PLEKHM3: variants seen among roughly 807,000 people sequenced by gnomAD.
PLEKHM3 encodes the protein pleckstrin homology domain-containing family M member 3.
Under a neutral mutation model 81.8 loss-of-function variants are expected in PLEKHM3, and 45 were observed. That is an observed-to-expected ratio of 0.55 (90% CI 0.43 to 0.71). The LOEUF (loss-of-function observed/expected upper bound fraction) is 0.71. Among genes scored for constraint, PLEKHM3 ranks in the 30% least tolerant of loss-of-function variants. PLEKHM3 has a pLI of 0.00. For missense variants in PLEKHM3, 788 were observed against 924.3 expected, an observed-to-expected ratio of 0.85 and a Z score of 1.91; for synonymous variants, 352 against 356.4, an observed-to-expected ratio of 0.99 and a Z score of 0.14.
rs530095858 is a variant in PLEKHM3 at position 207,853,502 on chromosome 2, G to A, written c.2108+7603C>T. ...TAATCCCAGCACTTTGGGAGGCTGA[G>A]GTGGGTGGATCACCAAAGGTTAGGA... On this transcript the variant is annotated intron_variant, in intron 7 of 7. Transcript: ENST00000427836. Among the ~76,000 whole-genome samples the A allele has an allele frequency of 1.3e-4, 20 of 152,054 alleles. No homozygotes were observed. In the South Asian group the frequency reaches 4.2e-3, roughly 32 times the overall value.
intron 6 of PLEKHM3, among the ~76,000 whole-genome samples, chr2:207,880,808 A>AAAACC (rs2092587300): frequency 6.9e-6 from 1 of 143,964 alleles, no homozygotes. Flanking sequence ...CAAACAAACA[A>AAAACC]AAAAAAACAA....
chr2:207,955,818 C>G (rs1017866691), intron 3 of PLEKHM3, among the ~76,000 whole-genome samples: 2 of 152,180 alleles, frequency 1.3e-5, no homozygotes, highest in Non-Finnish European at 2.9e-5. Context: ...TAATTTAGCT[C>G]ATCAATGAAT....
At chr2:207,970,987 C>T (rs1691100853) in intron 3 of PLEKHM3, among the ~76,000 whole-genome samples, 2 of 152,214 alleles carry the variant, frequency 1.3e-5, no homozygotes, top group African/African-American at 4.8e-5. Context: ...TGTAGGGGAT[C>T]CCCCAGGCTC....
At chr2:207,945,340 C>G (rs1277700453) in intron 4 of PLEKHM3, among the ~76,000 whole-genome samples, 1 of 152,210 alleles carries the variant, frequency 6.6e-6, no homozygotes, top group Non-Finnish European at 1.5e-5. Context: ...AGCCACTAAG[C>G]CTGCTATTTA....
intron 7 of PLEKHM3, among the ~76,000 whole-genome samples, chr2:207,856,225 C>T (rs919187265): frequency 6.6e-6 from 1 of 151,798 alleles, no homozygotes; most frequent in African/African-American, 2.4e-5. Context: ...ATATTCCACC[C>T]CACCACCACC....
rs868441215 is a variant in PLEKHM3 at position 207,853,683 on chromosome 2, G to A, written c.2108+7422C>T. Among the ~76,000 whole-genome samples, 6 of 152,036 alleles carry A rather than the reference G, an allele frequency of 3.9e-5. No individual in the cohort carries two copies. In the South Asian group the frequency reaches 8.3e-4, roughly 21 times the overall value. ...CAGGAGGTGGAGGTTGCAGTGAGCCGAGATCATGCCACTGCACTCCAGCCT... is the reference window on the plus strand; with the variant it reads ...CAGGAGGTGGAGGTTGCAGTGAGCCAAGATCATGCCACTGCACTCCAGCCT... On this transcript the variant is annotated intron_variant, in intron 7 of 7. Transcript: ENST00000427836.
intron 1 of PLEKHM3, among the ~76,000 whole-genome samples, chr2:208,012,685 G>A (rs1165173355): frequency 6.6e-6 from 1 of 152,210 alleles, no homozygotes; most frequent in Non-Finnish European, 1.5e-5. Flanking sequence ...TGCCTTCTGA[G>A]CTAACTGACA....
intron 4 of PLEKHM3, among the ~76,000 whole-genome samples, chr2:207,942,451 G>A (rs1008001357): frequency 6.6e-6 from 1 of 152,210 alleles, no homozygotes; most frequent in African/African-American, 2.4e-5. Context: ...GGTCAAGGCT[G>A]CAGTGAGCCA....
intron 6 of PLEKHM3, among the ~76,000 whole-genome samples, chr2:207,871,742 A>G (rs1374102239): frequency 1.3e-5 from 2 of 152,240 alleles, no homozygotes; most frequent in Non-Finnish European, 1.5e-5. Context: ...AGTAAGTACA[A>G]GAATGTGGTC....
chr2:207,916,107 T>C (rs919534583), intron 5 of PLEKHM3, among the ~76,000 whole-genome samples: 1 of 152,188 alleles, frequency 6.6e-6, no homozygotes, highest in African/African-American at 2.4e-5. Flanking sequence ...GAAACAAGCT[T>C]CAATCACTTC....
intron 4 of PLEKHM3, among the ~76,000 whole-genome samples, chr2:207,942,216 G>C (rs1115792): frequency 6.6e-6 from 1 of 152,164 alleles, no homozygotes; most frequent in South Asian, 2.1e-4. Flanking sequence ...ATATTATTCA[G>C]CCATAAAAAA....
At chr2:207,833,975 A>T (rs761916743) in intron 7 of PLEKHM3, among the ~76,000 whole-genome samples, 4 of 152,214 alleles carry the variant, frequency 2.6e-5, no homozygotes, top group Non-Finnish European at 5.9e-5. Flanking sequence ...AATATTAACC[A>T]GTGATTTCTG....
intron 1 of PLEKHM3, among the ~76,000 whole-genome samples, chr2:208,003,090 G>A (rs1023429231): frequency 1.3e-5 from 2 of 152,088 alleles, no homozygotes; most frequent in Admixed American, 1.3e-4. Context: ...GGAGGTAATC[G>A]AATCGTGGGG....
In PLEKHM3 at chr2:207,979,355, C is replaced by T. The variant is rs577496725; in HGVS notation, c.611-1769G>A. The stretch of plus-strand genomic sequence containing the variant: ...TTCGAGACCAGCCTGGCCAACATGG[C>T]GAAACCCATCTCTACTAAAAATACA... On this transcript the variant is annotated intron_variant, in intron 2 of 7. Coordinates refer to ENST00000427836, the MANE Select transcript of PLEKHM3 (RefSeq NM_001080475.3). Among the ~76,000 whole-genome samples the T allele has an allele frequency of 2.6e-5, 4 of 151,842 alleles. No homozygotes were observed. In the South Asian group the frequency reaches 6.2e-4, roughly 24 times the overall value.
chr2:207,846,782 A>G (rs2092385526), intron 7 of PLEKHM3, among the ~76,000 whole-genome samples: 1 of 152,126 alleles, frequency 6.6e-6, no homozygotes, highest in Non-Finnish European at 1.5e-5. Context: ...TTATAGATTA[A>G]ATGTGACTAT....
In PLEKHM3 at chr2:207,824,200, C is replaced by T. The variant is rs2105872240; in HGVS notation, c.*4119G>A. 1.3e-5 allele frequency: 2 copies of T among 152,316 alleles called. No homozygotes were observed. Among genetic ancestry groups the T allele is most frequent in the South Asian group, 2.1e-4 (1 of 4,824 alleles). 9.4% of individuals were successfully genotyped at this position (152,316 alleles called of 1,614,324 possible). A position where few individuals can be genotyped will look rare whatever the true frequency, so the allele number is the denominator to read the frequency against. ...ATTCAGGTCACGCAAAGGAGGGAGG[C>T]TCTTTCAAGGTCTTGCTCCAACTTC... On this transcript the variant is annotated 3_prime_UTR_variant, in exon 8 of 8. Coordinates refer to ENST00000427836, the MANE Select transcript of PLEKHM3 (RefSeq NM_001080475.3).
intron 2 of PLEKHM3, among the ~76,000 whole-genome samples, chr2:207,997,828 C>T (rs1692171811): frequency 6.6e-6 from 1 of 152,194 alleles, no homozygotes; most frequent in African/African-American, 2.4e-5. Context: ...CCAGCTCTAG[C>T]CAAGGTACTA....
At chr2:207,988,398 T>C (rs889596403) in intron 2 of PLEKHM3, among the ~76,000 whole-genome samples, 4 of 152,208 alleles carry the variant, frequency 2.6e-5, no homozygotes, top group African/African-American at 4.8e-5. Context: ...GGGGCTATCA[T>C]AGTAGTATGT....
chr2:207,877,486 C>T (rs2092565025), intron 6 of PLEKHM3, among the ~76,000 whole-genome samples: 1 of 152,154 alleles, frequency 6.6e-6, no homozygotes, highest in Non-Finnish European at 1.5e-5. Flanking sequence ...TTTCCTTGGG[C>T]TCCCTGTCCT....
Sources: gnomAD v4.1 joint callset for allele counts (sites outside exome capture counted in the v4.1 genomes callset) on GRCh38, gnomAD v4.1.1 for gene constraint, MANE v1.5 for transcripts, NCBI Gene and HGNC (gene_info 2026-07-23, HGNC 2026-07-21) for gene names.